PLCE1: variants seen among roughly 807,000 people sequenced by gnomAD.
PLCE1 encodes the protein 1-phosphatidylinositol 4,5-bisphosphate phosphodiesterase epsilon-1.
PLCE1 carries 119 observed loss-of-function variants against 242.8 expected under a neutral mutation model. The observed-to-expected ratio is 0.49, with a 90% CI of 0.42 to 0.57. The LOEUF (loss-of-function observed/expected upper bound fraction) is 0.57, where lower values mean the gene tolerates loss of function less well. Among genes scored for constraint, PLCE1 ranks in the 20% least tolerant of loss-of-function variants. The pLI is 0.00. For missense variants in PLCE1, 2,441 were observed against 2,788.8 expected, an observed-to-expected ratio of 0.88 and a Z score of 2.81; for synonymous variants, 945 against 1,017.4, an observed-to-expected ratio of 0.93 and a Z score of 1.35.
intron 1 of PLCE1, among the ~76,000 whole-genome samples, chr10:94,027,912 A>C (rs1417720488): frequency 1.3e-5 from 2 of 152,172 alleles, no homozygotes; most frequent in African/African-American, 2.4e-5. Context: ...GCTAGAAGAC[A>C]TCAGAAACCC....
chr10:94,023,327 CT>C (rs901812391), intron 1 of PLCE1, among the ~76,000 whole-genome samples: 73 of 152,272 alleles, frequency 4.8e-4, no homozygotes, highest in African/African-American at 1.7e-3. Flanking sequence ...CTAGGATTGA[CT>C]TTTGGTGGGT....
intron 7 of PLCE1, among the ~76,000 whole-genome samples, chr10:94,241,025 A>G (rs1396406091): frequency 6.6e-6 from 1 of 152,234 alleles, no homozygotes; most frequent in Non-Finnish European, 1.5e-5. Flanking sequence ...GTAAGAGACA[A>G]AAGCTACTAG....
At chr10:94,252,605 G>C (rs370526601) in intron 9 of PLCE1, 107 bp downstream of exon 9, 3 of 958,216 alleles carry the variant, frequency 3.1e-6, no homozygotes, top group Non-Finnish European at 3.2e-6. Flanking sequence ...GACAAAGTCA[G>C]GTATAAAATA....
intron 3 of PLCE1, among the ~76,000 whole-genome samples, chr10:94,150,900 G>A (rs2047253946): frequency 6.6e-6 from 1 of 152,162 alleles, no homozygotes; most frequent in South Asian, 2.1e-4. Flanking sequence ...TGCACAGTGA[G>A]AGCTGGCAGC....
intron 7 of PLCE1, among the ~76,000 whole-genome samples, chr10:94,236,868 C>G (rs2050342162): frequency 6.6e-6 from 1 of 152,094 alleles, no homozygotes; most frequent in Non-Finnish European, 1.5e-5. Context: ...CTCTCTCTCT[C>G]TCGGCATCTA....
At chr10:94,008,803 G>A (rs891560078) in intron 1 of PLCE1, among the ~76,000 whole-genome samples, 1 of 152,198 alleles carries the variant, frequency 6.6e-6, no homozygotes, top group Admixed American at 6.5e-5. Context: ...AAGGAGAAAG[G>A]AGGTAGAAAA....
chr10:94,319,861 GC>G (rs2053718981), intron 29 of PLCE1, among the ~76,000 whole-genome samples: 1 of 87,572 alleles, frequency 1.1e-5, no homozygotes, highest in African/African-American at 4.0e-5. Context: ...GCTCAAAGGT[GC>G]TCTTTTTTTT....
In PLCE1 at chr10:94,306,287, T is replaced by C; in HGVS notation, c.5623-140T>C. On this transcript the variant is annotated intron_variant, in intron 25 of 32. Transcript: ENST00000371380. This position sits in a 1 kb window ranked among gnomAD's most constrained non-coding sequence, Gnocchi z 5.7. ...GCCCAGCCCTACAATCACTTACTTT[T>C]TAAACAGTTTTATTCATCATTCACT... is the stretch of plus-strand genomic sequence containing the variant. 6.8e-7 allele frequency: 1 copy of C among 1,479,640 alleles called. No individual in the cohort carries two copies. The allele number at this position is 1,479,640 out of a possible 1,614,324, so 91.7% of individuals were successfully genotyped here. A position where few individuals can be genotyped will look rare whatever the true frequency, so the allele number is the denominator to read the frequency against.
At chr10:94,007,695 C>CTT (rs1309385991) in intron 1 of PLCE1, among the ~76,000 whole-genome samples, 1 of 72,822 alleles carries the variant, frequency 1.4e-5, no homozygotes, top group African/African-American at 7.3e-5. Context: ...TCAAAGCCTA[C>CTT]TTTCTTTTTT....
At chr10:94,002,611 G>A (rs2060953004) in intron 1 of PLCE1, among the ~76,000 whole-genome samples, 1 of 152,020 alleles carries the variant, frequency 6.6e-6, no homozygotes, top group Admixed American at 6.6e-5. Flanking sequence ...ACATACTTCT[G>A]TTTATATTTA....
intron 27 of PLCE1, among the ~76,000 whole-genome samples, chr10:94,309,864 T>TA (rs1180838889): frequency 2.0e-5 from 3 of 151,930 alleles, no homozygotes; most frequent in African/African-American, 4.8e-5. Flanking sequence ...CCATCTCTAT[T>TA]AAAAAACGTG....
chr10:94,031,660 C>A lies in PLCE1; in HGVS notation c.614C>A (p.Ser205Ter). ...ATGTCAGACACTTTCTGTACCCTAT[C>A]AGAAAACTTAATTTTAGACGATTGT... ...RRMSDTFCTL[S>*]ENLILDDCGN... The change falls in exon 2 of 33, where the codon TCA becomes TAA. Residue 205 changes from serine to a stop codon, truncating the protein, a stop_gained. Coordinates refer to ENST00000371380, the MANE Select transcript of PLCE1 (RefSeq NM_016341.4). LOFTEE classifies it high-confidence loss of function. The A allele has an allele frequency of 6.2e-7, 1 of 1,613,848 alleles. No homozygotes were observed. The highest frequency in any genetic ancestry group is 8.5e-7 in the Non-Finnish European group (1 of 1,179,896).
intron 2 of PLCE1, among the ~76,000 whole-genome samples, chr10:94,051,882 C>G (rs2043775365): frequency 6.6e-6 from 1 of 152,180 alleles, no homozygotes; most frequent in Non-Finnish European, 1.5e-5. Flanking sequence ...AAGTAATACA[C>G]TCTCCTTGTA....
Position 94,330,532 on chromosome 10 carries a change from C to T in PLCE1, c.*2589C>T, listed in dbSNP as rs990706650. The T allele has an allele frequency of 6.6e-5, 10 of 151,644 alleles. No homozygotes were observed. The highest frequency in any genetic ancestry group is 1.3e-4 in the Non-Finnish European group (9 of 67,920). The allele number at this position is 151,644 out of a possible 1,614,324, so 9.4% of individuals were successfully genotyped here. ...TAAAAATACAAAAATTAGCTGGGTA[C>T]TAAAAATACAAAAATTAGTGGTGGT... On this transcript the variant is annotated 3_prime_UTR_variant, in exon 33 of 33. Transcript: ENST00000371380.
At chr10:94,323,429 GCT>G (rs2053893568) in intron 30 of PLCE1, among the ~76,000 whole-genome samples, 1 of 152,174 alleles carries the variant, frequency 6.6e-6, no homozygotes, top group Non-Finnish European at 1.5e-5. Flanking sequence ...TGGTAAACCA[GCT>G]CTTTGTAAAA....
chr10:94,287,935 C>T (rs2052516906), intron 22 of PLCE1, among the ~76,000 whole-genome samples: 2 of 151,930 alleles, frequency 1.3e-5, no homozygotes, highest in Non-Finnish European at 2.9e-5. Flanking sequence ...ATTCCAAGGA[C>T]GGGGTCCTTG....
chr10:94,103,586 A>C (rs59935460), intron 2 of PLCE1, among the ~76,000 whole-genome samples: 1 of 152,234 alleles, frequency 6.6e-6, no homozygotes, highest in African/African-American at 2.4e-5. Flanking sequence ...CCACCATGGC[A>C]CGTGTGTACC....
At chr10:94,085,929 C>T (rs981273264) in intron 2 of PLCE1, among the ~76,000 whole-genome samples, 1 of 152,172 alleles carries the variant, frequency 6.6e-6, no homozygotes, top group African/African-American at 2.4e-5. Flanking sequence ...AATAATAATA[C>T]AATTTTAAAA....
At chr10:94,150,192 G>T (rs1164318346) in intron 3 of PLCE1, among the ~76,000 whole-genome samples, 1 of 152,236 alleles carries the variant, frequency 6.6e-6, no homozygotes, top group African/African-American at 2.4e-5. Flanking sequence ...GCTGTGCTGA[G>T]TGTTGTATGC....
Sources: gnomAD v4.1 joint callset for allele counts (sites outside exome capture counted in the v4.1 genomes callset) on GRCh38, gnomAD v4.1.1 for gene constraint, Gnocchi (gnomAD v3.1) non-coding constraint, MANE v1.5 for transcripts, NCBI Gene and HGNC (gene_info 2026-07-23, HGNC 2026-07-21) for gene names.